Variants in NEBL observed in about 807,000 individuals in gnomAD.
The protein encoded by NEBL is nebulette.
Under a neutral mutation model 140.2 loss-of-function variants are expected in NEBL, and 122 were observed. The observed-to-expected ratio is 0.87, with a 90% CI of 0.75 to 1.01. The LOEUF (loss-of-function observed/expected upper bound fraction) is 1.01. NEBL is among the 50% of genes least tolerant of loss of function. The pLI is 0.00. For synonymous variants in NEBL, 436 were observed against 398.9 expected, an observed-to-expected ratio of 1.09 and a Z score of -1.11; for missense variants, 1,365 against 1,231.3, an observed-to-expected ratio of 1.11 and a Z score of -1.62.
At chr10:21,245,595 G>A (rs762458627) in intron 3 of NEBL, among the ~76,000 whole-genome samples, 5 of 152,126 alleles carry the variant, frequency 3.3e-5, no homozygotes, top group African/African-American at 7.2e-5. Flanking sequence ...GCAATGGCAC[G>A]ATCTTGGCTC....
intron 3 of NEBL, among the ~76,000 whole-genome samples, chr10:21,214,671 T>A (rs1841966614): frequency 1.3e-5 from 2 of 152,100 alleles, no homozygotes; most frequent in South Asian, 4.1e-4. Flanking sequence ...TTGGGTACAG[T>A]GAGGAAAGGG....
chr10:21,000,007 C>A (rs1402654145), intron 3 of NEBL, among the ~76,000 whole-genome samples: 1 of 151,930 alleles, frequency 6.6e-6, no homozygotes, highest in Non-Finnish European at 1.5e-5. Flanking sequence ...TACTACAAAG[C>A]ACTTCCTCCT....
intron 2 of NEBL, among the ~76,000 whole-genome samples, chr10:21,028,235 C>CAAAAAAAAAAAAAAAAAAAAAAAAA (rs1168946872): frequency 1.5e-5 from 1 of 66,214 alleles, no homozygotes; most frequent in Admixed American, 2.0e-4. Flanking sequence ...TCAAACATCT[C>CAAAAAAAAAAAAAAAAAAAAAAAAA]AAAAAAAAAA....
At chr10:21,051,300 G>A (rs527401914) in intron 2 of NEBL, among the ~76,000 whole-genome samples, 14 of 152,240 alleles carry the variant, frequency 9.2e-5, no homozygotes, top group Non-Finnish European at 1.9e-4. Context: ...AAAAACAAAT[G>A]CATAAAATTA....
At chr10:20,882,199 A>G (rs565248776) in intron 4 of NEBL, among the ~76,000 whole-genome samples, 2 of 151,728 alleles carry the variant, frequency 1.3e-5, no homozygotes, top group Non-Finnish European at 2.9e-5. Flanking sequence ...AAAGAAGGAA[A>G]GAAAGAAGGA....
At chr10:20,786,272 A>G (rs1190660748) in intron 27 of NEBL, among the ~76,000 whole-genome samples, 1 of 152,166 alleles carries the variant, frequency 6.6e-6, no homozygotes, top group East Asian at 1.9e-4. Context: ...AAAACTCGTC[A>G]TATGTCAGAG....
intron 2 of NEBL, among the ~76,000 whole-genome samples, chr10:21,057,085 A>T (rs1453483364): frequency 6.6e-6 from 1 of 152,326 alleles, no homozygotes; most frequent in Admixed American, 6.5e-5. Flanking sequence ...CATATATACA[A>T]GTGGCCACAA....
chr10:20,874,932 G>T (rs970435210), intron 5 of NEBL, among the ~76,000 whole-genome samples: 1 of 152,064 alleles, frequency 6.6e-6, no homozygotes, highest in East Asian at 1.9e-4. Flanking sequence ...TAGAGATGAG[G>T]TTTATCATGT....
intron 3 of NEBL, among the ~76,000 whole-genome samples, chr10:21,238,883 G>T (rs1003411219): frequency 6.6e-6 from 1 of 152,050 alleles, no homozygotes; most frequent in Non-Finnish European, 1.5e-5. Flanking sequence ...GATTTGGAAG[G>T]TTCAAGTTAC....
At chr10:21,030,252 C>A in intron 2 of NEBL, 1 of 576,858 alleles carries the variant, frequency 1.7e-6, no homozygotes, top group East Asian at 4.4e-5. Flanking sequence ...ACCCAGGAAC[C>A]GGAGAGGCAC....
intron 17 of NEBL, 104 bp from the exon 18 acceptor site, chr10:20,826,643 A>G (rs746331148): frequency 1.4e-4 from 112 of 827,366 alleles, no homozygotes; most frequent in African/African-American, 1.9e-4. Flanking sequence ...TAATATGAAT[A>G]CTGCATCTAT....
chr10:21,180,824 G>A (rs867435246), intron 3 of NEBL, among the ~76,000 whole-genome samples: 79 of 152,194 alleles, frequency 5.2e-4, no homozygotes, highest in African/African-American at 1.6e-3. Context: ...GTAATGATAA[G>A]ACTCTCTGAG....
At chr10:21,248,475 C>T (rs995486622) in intron 2 of NEBL, among the ~76,000 whole-genome samples, 1 of 152,114 alleles carries the variant, frequency 6.6e-6, no homozygotes, top group African/African-American at 2.4e-5. Flanking sequence ...CAAGATTCAT[C>T]CATGTTGTAT....
chr10:21,081,737 T>C (rs1006213166), intron 2 of NEBL, among the ~76,000 whole-genome samples: 15 of 152,110 alleles, frequency 9.9e-5, no homozygotes, highest in African/African-American at 3.4e-4. Flanking sequence ...GTCTGGAACA[T>C]CTCTACTGTG....
At chr10:20,959,448 T>C (rs1835950453) in intron 4 of NEBL, among the ~76,000 whole-genome samples, 1 of 152,078 alleles carries the variant, frequency 6.6e-6, no homozygotes, top group African/African-American at 2.4e-5. Flanking sequence ...GTTCAGTGGG[T>C]TTAGATTAAA....
chr10:21,067,757 G>A (rs142359061), intron 2 of NEBL, among the ~76,000 whole-genome samples: 35 of 152,054 alleles, frequency 2.3e-4, no homozygotes, highest in African/African-American at 8.2e-4. Flanking sequence ...CAGGCAGATC[G>A]CTTGAGCCCA....
At chr10:20,975,121 C>T (rs1836734579) in intron 3 of NEBL, among the ~76,000 whole-genome samples, 1 of 152,180 alleles carries the variant, frequency 6.6e-6, no homozygotes, top group South Asian at 2.1e-4. Context: ...CCCAAAATGA[C>T]ATAGGACCAT....
chr10:21,188,123 A>G (rs944760563), intron 3 of NEBL, among the ~76,000 whole-genome samples: 2 of 152,110 alleles, frequency 1.3e-5, no homozygotes, highest in African/African-American at 4.8e-5. Context: ...CTCTTTACCT[A>G]CATTTCTGTC....
Position 20,782,019 on chromosome 10 carries a change from CA to C in NEBL, c.*3727del, listed in dbSNP as rs1458286356. The C allele has an allele frequency of 2.6e-5, 4 of 152,468 alleles. No individual in the cohort carries two copies. The highest frequency in any genetic ancestry group is 9.7e-5 in the African/African-American group (4 of 41,376). The allele number at this position is 152,468 out of a possible 1,614,324, so 9.4% of individuals were successfully genotyped here. On this transcript the variant is annotated 3_prime_UTR_variant, in exon 28 of 28. Transcript: ENST00000377122. ...ATCTTACAATAGGCATTTTAAATCC[CA>C]AATCTAAAGTTAATGTTTATATAGC... is the stretch of plus-strand genomic sequence containing the variant.
Sources: gnomAD v4.1 joint callset for allele counts (sites outside exome capture counted in the v4.1 genomes callset) on GRCh38, gnomAD v4.1.1 for gene constraint, MANE v1.5 for transcripts, NCBI Gene and HGNC (gene_info 2026-07-23, HGNC 2026-07-21) for gene names.